Variants in WWOX observed in about 807,000 individuals in gnomAD.
WWOX encodes the protein WW domain containing oxidoreductase.
Under a neutral mutation model 46.2 loss-of-function variants are expected in WWOX, and 69 were observed. The observed-to-expected ratio is 1.49, with a 90% CI of 1.23 to 1.82. The LOEUF is 1.82. Among genes scored for constraint, WWOX ranks in the 40% most tolerant of loss-of-function variants. The pLI, the probability that WWOX is intolerant of heterozygous loss-of-function variation, is 0.00. For synonymous variants in WWOX, 359 were observed against 202.6 expected (o/e 1.77, Z -6.56); for missense variants, 919 against 542.6 (o/e 1.69, Z -6.89).
chr16:78,931,291 A>G (rs11859772), intron 8 of WWOX, among the ~76,000 whole-genome samples: 37,966 of 152,030 alleles, frequency 0.25, 4,806 homozygotes, highest in Middle Eastern at 0.32. Context: ...TGGTAAGAGA[A>G]ACTCCCAATC....
intron 8 of WWOX, among the ~76,000 whole-genome samples, chr16:78,754,025 A>G (rs1394352020): frequency 6.6e-6 from 1 of 151,632 alleles, no homozygotes; most frequent in East Asian, 1.9e-4. Context: ...AATTATCATT[A>G]ATGTGAACTC....
intron 8 of WWOX, among the ~76,000 whole-genome samples, chr16:78,974,877 G>C (rs1291894013): frequency 6.6e-6 from 1 of 152,154 alleles, no homozygotes; most frequent in African/African-American, 2.4e-5. Context: ...GGAGGCCCGG[G>C]GAGACCTTGA....
chr16:78,660,298 C>T (rs1046705993), intron 8 of WWOX, among the ~76,000 whole-genome samples: 1 of 152,174 alleles, frequency 6.6e-6, no homozygotes, highest in African/African-American at 2.4e-5. Flanking sequence ...CACTTCCGTA[C>T]ACTAAAGGTC....
intron 5 of WWOX, among the ~76,000 whole-genome samples, chr16:78,339,068 T>C (rs1225814869): frequency 8.3e-6 from 1 of 120,332 alleles, no homozygotes; most frequent in African/African-American, 2.8e-5. Context: ...TTAGCTTCCT[T>C]CTACTTTGGT....
In WWOX at chr16:78,255,365, T is replaced by G. The variant is rs11649453; in HGVS notation, c.516+91076T>G. Among the ~76,000 whole-genome samples the G allele has an allele frequency of 7.5e-3, 1,143 of 152,280 alleles. 15 individuals are homozygous for G. Among genetic ancestry groups the G allele is most frequent in the South Asian group, 0.052 (250 of 4,824 alleles). On this transcript the variant is annotated intron_variant, in intron 5 of 8. Coordinates refer to ENST00000566780, the MANE Select transcript of WWOX (RefSeq NM_016373.4). ...GAATAAACCTAAAGGATTTAAAAAC[T>G]TGGAAGACACTAAGAAACTATATTG...
chr16:78,760,332 T>G (rs1391704415), intron 8 of WWOX, among the ~76,000 whole-genome samples: 1 of 152,232 alleles, frequency 6.6e-6, no homozygotes, highest in Admixed American at 6.5e-5. Flanking sequence ...GTGGGAATTA[T>G]GGGAGCTACA....
chr16:78,919,545 G>C (rs561067875), intron 8 of WWOX, among the ~76,000 whole-genome samples: 1 of 124,550 alleles, frequency 8.0e-6, no homozygotes, highest in East Asian at 2.3e-4. Context: ...TTTTGAGGGA[G>C]TCTTGCTCTG....
chr16:79,083,711 C>G (rs12920082), intron 8 of WWOX, among the ~76,000 whole-genome samples: 6,698 of 152,196 alleles, frequency 0.044, 492 homozygotes, highest in African/African-American at 0.15. Context: ...ATCACTAACA[C>G]CCGGCCCTGA....
At chr16:78,303,154 C>T (rs922413320) in intron 5 of WWOX, among the ~76,000 whole-genome samples, 5 of 152,156 alleles carry the variant, frequency 3.3e-5, no homozygotes, top group Non-Finnish European at 7.4e-5. Context: ...TTATTCTTAA[C>T]TACATTTTAT....
chr16:78,420,931 T>A (rs1281590699), intron 6 of WWOX, among the ~76,000 whole-genome samples: 1 of 152,172 alleles, frequency 6.6e-6, no homozygotes, highest in Non-Finnish European at 1.5e-5. Flanking sequence ...ATCACACATA[T>A]TAATTTTAAT....
intron 8 of WWOX, among the ~76,000 whole-genome samples, chr16:79,151,511 G>A (rs2050278409): frequency 6.6e-6 from 1 of 152,196 alleles, no homozygotes; most frequent in South Asian, 2.1e-4. Context: ...CCTTCTACAT[G>A]ATCAGTGTTC....
At chr16:78,958,389 C>A (rs2046210781) in intron 8 of WWOX, among the ~76,000 whole-genome samples, 1 of 152,136 alleles carries the variant, frequency 6.6e-6, no homozygotes, top group South Asian at 2.1e-4. Flanking sequence ...GAAATATATA[C>A]TTACTGTAAA....
intron 8 of WWOX, among the ~76,000 whole-genome samples, chr16:79,148,859 C>G (rs1191850813): frequency 6.6e-6 from 1 of 152,084 alleles, no homozygotes; most frequent in Non-Finnish European, 1.5e-5. Context: ...GTGTGTTGAT[C>G]TTGATCCTAT....
intron 5 of WWOX, among the ~76,000 whole-genome samples, chr16:78,299,710 G>C (rs2080006437): frequency 6.6e-6 from 1 of 151,848 alleles, no homozygotes; most frequent in Non-Finnish European, 1.5e-5. Flanking sequence ...TGTATATTTA[G>C]TAGAGATGGG....
intron 5 of WWOX, among the ~76,000 whole-genome samples, chr16:78,257,506 A>G (rs1432248004): frequency 6.6e-6 from 1 of 152,164 alleles, no homozygotes; most frequent in Non-Finnish European, 1.5e-5. Context: ...CTCAAACAAT[A>G]TAAATCACCA....
chr16:78,473,557 T>C (rs781113947), intron 8 of WWOX, among the ~76,000 whole-genome samples: 3 of 139,762 alleles, frequency 2.1e-5, no homozygotes, highest in Admixed American at 6.8e-5. Context: ...GGTGAGCAGA[T>C]ACACTTATCT....
At chr16:78,520,169 A>G (rs942083676) in intron 8 of WWOX, among the ~76,000 whole-genome samples, 2 of 152,162 alleles carry the variant, frequency 1.3e-5, no homozygotes, top group African/African-American at 2.4e-5. Context: ...TTTTATTCCT[A>G]TGGGATGAGT....
At chr16:78,205,098 A>G (rs1021103293) in intron 5 of WWOX, among the ~76,000 whole-genome samples, 2 of 152,214 alleles carry the variant, frequency 1.3e-5, no homozygotes, top group African/African-American at 4.8e-5. Context: ...CAAATCCAGG[A>G]GGCAGAGGAG....
At chr16:78,780,773 G>C (rs993139671) in intron 8 of WWOX, among the ~76,000 whole-genome samples, 1 of 152,178 alleles carries the variant, frequency 6.6e-6, no homozygotes, top group Non-Finnish European at 1.5e-5. Context: ...AAAGGGGCCC[G>C]TATGGCTAGC....
Sources: gnomAD v4.1 joint callset for allele counts (sites outside exome capture counted in the v4.1 genomes callset) on GRCh38, gnomAD v4.1.1 for gene constraint, MANE v1.5 for transcripts, NCBI Gene and HGNC (gene_info 2026-07-23, HGNC 2026-07-21) for gene names.